Variants in ZNF385B observed in about 807,000 individuals in gnomAD.
ZNF385B encodes zinc finger protein 533.
ZNF385B carries 23 observed loss-of-function variants against 39.2 expected under a neutral mutation model. That is an observed-to-expected ratio of 0.59 (90% CI 0.42 to 0.83). ZNF385B has a LOEUF of 0.83. Ranked by LOEUF, ZNF385B falls within the 40% of genes least tolerant of loss-of-function variation. ZNF385B has a pLI of 0.00. For missense variants in ZNF385B, 552 were observed against 598.9 expected, an observed-to-expected ratio of 0.92 and a Z score of 0.82; for synonymous variants, 205 against 222.6, an observed-to-expected ratio of 0.92 and a Z score of 0.70.
intron 5 of ZNF385B, among the ~76,000 whole-genome samples, chr2:179,516,430 A>T (rs2105796593): frequency 6.6e-6 from 1 of 152,234 alleles, no homozygotes; most frequent in African/African-American, 2.4e-5. Context: ...GTTGCTCCTC[A>T]TCCTAGCCAT....
At chr2:179,619,444 G>A (rs2106157223) in intron 3 of ZNF385B, among the ~76,000 whole-genome samples, 1 of 152,238 alleles carries the variant, frequency 6.6e-6, no homozygotes, top group East Asian at 1.9e-4. Flanking sequence ...CTGAAGCTGG[G>A]GAACCAAGCC....
intron 3 of ZNF385B, among the ~76,000 whole-genome samples, chr2:179,604,150 T>C (rs1688618748): frequency 6.6e-6 from 1 of 152,148 alleles, no homozygotes; most frequent in African/African-American, 2.4e-5. Flanking sequence ...CCAAGTCCAT[T>C]CTGAACACTT....
intron 3 of ZNF385B, among the ~76,000 whole-genome samples, chr2:179,693,240 G>C (rs925296784): frequency 6.6e-6 from 1 of 152,146 alleles, no homozygotes; most frequent in Non-Finnish European, 1.5e-5. Context: ...TTAAAGAAGA[G>C]AGGCTCACTT....
At chr2:179,638,036 C>G (rs72967298) in intron 3 of ZNF385B, among the ~76,000 whole-genome samples, 1 of 152,080 alleles carries the variant, frequency 6.6e-6, no homozygotes, top group Non-Finnish European at 1.5e-5. Flanking sequence ...ATATTCAAAA[C>G]AGATTAAATC....
chr2:179,564,504 T>C (rs1360523451), intron 3 of ZNF385B, among the ~76,000 whole-genome samples: 4 of 152,186 alleles, frequency 2.6e-5, no homozygotes, highest in Non-Finnish European at 5.9e-5. Context: ...AGTCCATTCT[T>C]AAGGAAACAA....
At chr2:179,699,075 G>GGAAATATATTGGGAAATATAAAAATATA (rs1698977562) in intron 3 of ZNF385B, among the ~76,000 whole-genome samples, 1 of 150,776 alleles carries the variant, frequency 6.6e-6, no homozygotes, top group Non-Finnish European at 1.5e-5. Context: ...TTATAAATAT[G>GGAAATATATTGGGAAATATAAAAATATA]CTGGAAAGCT....
At chr2:179,810,853 A>G (rs1201186231) in intron 1 of ZNF385B, among the ~76,000 whole-genome samples, 1 of 152,116 alleles carries the variant, frequency 6.6e-6, no homozygotes, top group Non-Finnish European at 1.5e-5. Context: ...AAATGGGAAT[A>G]TAAGAAGTCA....
chr2:179,750,890 G>A (rs937858247), intron 3 of ZNF385B, among the ~76,000 whole-genome samples: 16 of 152,018 alleles, frequency 1.1e-4, no homozygotes, highest in Non-Finnish European at 4.4e-5. Flanking sequence ...ATGATAAATG[G>A]CAAGTTGATT....
intron 3 of ZNF385B, among the ~76,000 whole-genome samples, chr2:179,654,396 G>C (rs140523711): frequency 6.6e-6 from 1 of 152,100 alleles, no homozygotes; most frequent in Non-Finnish European, 1.5e-5. Flanking sequence ...TACCCCCTTC[G>C]AGTGCAGGAG....
In ZNF385B at chr2:179,638,004, C is replaced by T. The variant is rs549119653; in HGVS notation, c.299-93035G>A. 3.3e-5 allele frequency among the ~76,000 whole-genome samples: 5 copies of T among 152,254 alleles called. No individual in the cohort carries two copies. The South Asian group carries it at 8.3e-4, about 25-fold the overall frequency. ...AATGTAACATTTAGATTTCTTATCA[C>T]TTAAAAGCAGCATTTATCTGCATAT... On this transcript the variant is annotated intron_variant, in intron 3 of 9. Transcript: ENST00000410066.
chr2:179,819,752 G>C (rs1231719303), intron 1 of ZNF385B, among the ~76,000 whole-genome samples: 2 of 152,116 alleles, frequency 1.3e-5, no homozygotes, highest in African/African-American at 4.8e-5. Flanking sequence ...TCTCCTTTCT[G>C]GGAGGATGGG....
chr2:179,773,587 GGTTTA>G (rs1440938582), intron 1 of ZNF385B, among the ~76,000 whole-genome samples: 5 of 152,064 alleles, frequency 3.3e-5, no homozygotes, highest in African/African-American at 1.2e-4. Context: ...TTATATTATT[GGTTTA>G]ATTATTTATA....
chr2:179,726,136 T>C (rs1268825419), intron 3 of ZNF385B, among the ~76,000 whole-genome samples: 2 of 151,978 alleles, frequency 1.3e-5, no homozygotes, highest in African/African-American at 4.8e-5. Flanking sequence ...CTCAACTTCC[T>C]TTACAACAAG....
intron 1 of ZNF385B, among the ~76,000 whole-genome samples, chr2:179,855,997 G>T (rs1331676758): frequency 2.0e-5 from 3 of 152,110 alleles, no homozygotes; most frequent in Non-Finnish European, 4.4e-5. Flanking sequence ...GCACTACACT[G>T]CCTTTACAGA....
intron 1 of ZNF385B, among the ~76,000 whole-genome samples, chr2:179,856,624 C>CAAAAAAAAAA (rs11308289): frequency 9.2e-6 from 1 of 108,308 alleles, no homozygotes. Flanking sequence ...ACAGCAGAGA[C>CAAAAAAAAAA]AAAAAAAAAA....
At chr2:179,853,832 G>A (rs1017976135) in intron 1 of ZNF385B, among the ~76,000 whole-genome samples, 1 of 152,182 alleles carries the variant, frequency 6.6e-6, no homozygotes. Context: ...AAAGCACAGA[G>A]AGGTTAAGTA....
intron 3 of ZNF385B, among the ~76,000 whole-genome samples, chr2:179,621,396 G>A (rs1425331505): frequency 2.0e-5 from 3 of 152,172 alleles, no homozygotes; most frequent in African/African-American, 7.2e-5. Context: ...GACACACAAT[G>A]TTCCTTTTAA....
chr2:179,704,754 C>T (rs1699462212), intron 3 of ZNF385B, among the ~76,000 whole-genome samples: 1 of 152,160 alleles, frequency 6.6e-6, no homozygotes, highest in Non-Finnish European at 1.5e-5. Context: ...ATGTGTAACA[C>T]CAACTTAGAA....
intron 3 of ZNF385B, among the ~76,000 whole-genome samples, chr2:179,631,760 G>A (rs2106191928): frequency 6.6e-6 from 1 of 152,250 alleles, no homozygotes; most frequent in African/African-American, 2.4e-5. Flanking sequence ...TCGGTGTGCT[G>A]TATTCAGGAG....
Sources: gnomAD v4.1 joint callset for allele counts (sites outside exome capture counted in the v4.1 genomes callset) on GRCh38, gnomAD v4.1.1 for gene constraint, MANE v1.5 for transcripts, NCBI Gene and HGNC (gene_info 2026-07-23, HGNC 2026-07-21) for gene names.